SPHKAP: variants seen among roughly 807,000 people sequenced by gnomAD.
The protein encoded by SPHKAP is A-kinase anchor protein SPHKAP.
SPHKAP carries 67 observed loss-of-function variants against 137.5 expected under a neutral mutation model. That is an observed-to-expected ratio of 0.49 (90% confidence interval 0.40 to 0.60). The LOEUF (loss-of-function observed/expected upper bound fraction) is 0.60, where lower values mean the gene tolerates loss of function less well. SPHKAP is among the 20% of genes least tolerant of loss of function. SPHKAP has a pLI of 0.00. For synonymous variants in SPHKAP, 813 were observed against 785.3 expected (o/e 1.04, Z -0.59); for missense variants, 2,097 against 2,069.3 (o/e 1.01, Z -0.26).
intron 6 of SPHKAP, chr2:228,020,378 T>G (rs1694792417): frequency 5.2e-6 from 1 of 192,006 alleles, no homozygotes; most frequent in South Asian, 1.8e-4. Context: ...CATGGAATAC[T>G]ATGCAGCCAT....
Position 228,019,769 on chromosome 2 carries a change from T to C in SPHKAP, c.1085A>G (p.Gln362Arg), listed in dbSNP as rs148704196. Residue 362 changes from glutamine to arginine, a missense_variant, in exon 7 of 12, where the codon CAG becomes CGG. Physicochemically the swap from Gln to Arg is conservative, Grantham distance 43. Transcript: ENST00000392056. ...GTCTCCTGGGTTTAGGTTGCTTCTC[T>C]GCTCTGCCACAGCACATGCAGAAGG... ...DVPSACAVAE[Q>R]RSNLNPGDHE... 4 of 1,614,164 alleles carry C rather than the reference T, an allele frequency of 2.5e-6. No individual in the cohort carries two copies. Among genetic ancestry groups the C allele is most frequent in the African/African-American group, 1.3e-5 (1 of 75,054 alleles).
At chr2:228,016,255 G>T (rs1694584114) in intron 7 of SPHKAP, 151 bp downstream of exon 7, 2 of 1,287,680 alleles carry the variant, frequency 1.6e-6, no homozygotes, top group African/African-American at 3.0e-5. Flanking sequence ...TTGGTGTGCT[G>T]CACTCATTAA....
intron 1 of SPHKAP, among the ~76,000 whole-genome samples, chr2:228,137,674 A>G (rs1699477737): frequency 6.6e-6 from 1 of 152,150 alleles, no homozygotes; most frequent in Non-Finnish European, 1.5e-5. Context: ...TTTAATCCCA[A>G]CACTAGAAAA....
intron 3 of SPHKAP, among the ~76,000 whole-genome samples, chr2:228,035,272 C>T (rs1380518725): frequency 6.7e-6 from 1 of 149,904 alleles, no homozygotes; most frequent in Non-Finnish European, 1.5e-5. Context: ...GAGTGAACTC[C>T]CATTCACAAC....
intron 2 of SPHKAP, 154 bp downstream of exon 2, chr2:228,131,826 A>T (rs2106375193): frequency 1.0e-6 from 1 of 976,816 alleles, no homozygotes; most frequent in Admixed American, 6.1e-5. Context: ...TAAAATTTTA[A>T]TGTTATCAAG....
chr2:228,181,415 G>C lies in SPHKAP; in HGVS notation c.32+152C>G. The C allele has an allele frequency of 9.1e-7, 1 of 1,093,960 alleles. No homozygotes were observed. Among genetic ancestry groups the C allele is most frequent in the South Asian group, 1.3e-5 (1 of 74,996 alleles). The allele number at this position is 1,093,960 out of a possible 1,614,324, so 67.8% of individuals were successfully genotyped here. ...GTCCCCTGTAGCTCCAGCGAGGCTG[G>C]GCCGGACTTATTTACAAGTGCAGTG... On this transcript the variant is annotated intron_variant, in intron 1 of 11. Coordinates refer to ENST00000392056, the MANE Select transcript of SPHKAP (RefSeq NM_001142644.2). This position sits in a 1 kb window ranked among gnomAD's most constrained non-coding sequence, Gnocchi z 4.3.
At chr2:228,002,958 T>G (rs1200585607) in intron 7 of SPHKAP, among the ~76,000 whole-genome samples, 1 of 151,466 alleles carries the variant, frequency 6.6e-6, no homozygotes, top group Non-Finnish European at 1.5e-5. Flanking sequence ...CCATGCTGTT[T>G]TGGTTACTGT....
chr2:228,085,193 G>A (rs1697499426), intron 3 of SPHKAP, among the ~76,000 whole-genome samples: 1 of 152,182 alleles, frequency 6.6e-6, no homozygotes, highest in Non-Finnish European at 1.5e-5. Context: ...AAAATTTTGA[G>A]CTCACATAGT....
At chr2:228,030,715 AC>A (rs1695275910) in intron 3 of SPHKAP, among the ~76,000 whole-genome samples, 1 of 142,862 alleles carries the variant, frequency 7.0e-6, no homozygotes, top group South Asian at 2.4e-4. Context: ...TGCCCAATGC[AC>A]CTCCATAATA....
chr2:227,985,088 C>T (rs1173753568), intron 11 of SPHKAP, among the ~76,000 whole-genome samples: 2 of 152,176 alleles, frequency 1.3e-5, no homozygotes, highest in African/African-American at 4.8e-5. Context: ...TTCTTTCCAT[C>T]TATTTGGGGC....
At chr2:228,068,570 G>T (rs1449941091) in intron 3 of SPHKAP, among the ~76,000 whole-genome samples, 1 of 152,114 alleles carries the variant, frequency 6.6e-6, no homozygotes, top group Admixed American at 6.5e-5. Context: ...TTCAACAAAG[G>T]TGCCAAGAAC....
rs146237024 is a variant in SPHKAP, at chr2:228,017,290, C to G, written c.3564G>C (p.Glu1188Asp). The change falls in exon 7 of 12, where the codon GAG becomes GAC. Residue 1188 changes from glutamate to aspartate, a missense_variant. By Grantham distance (45) the Glu-to-Asp change is conservative (BLOSUM62 2). Coordinates refer to ENST00000392056, the MANE Select transcript of SPHKAP (RefSeq NM_001142644.2). ...ACCTGTAGAACTCCTCAGTGATGCT[C>G]TCTGTGCTGGACTGCTTAGAGGGAC... is the stretch of plus-strand genomic sequence containing the variant. The part of the protein sequence containing the change: ...PSCPSKQSST[E>D]SITEEFYRYM... The G allele has an allele frequency of 1.2e-6, 2 of 1,614,084 alleles. No individual in the cohort carries two copies. The highest frequency in any genetic ancestry group is 1.7e-5 in the Admixed American group (1 of 60,022).
At chr2:227,982,034 C>T (rs542648094) in intron 11 of SPHKAP, 174 bp from the exon 12 acceptor site, 41 of 978,136 alleles carry the variant, frequency 4.2e-5, no homozygotes, top group South Asian at 2.8e-4. Context: ...AGATTATTAC[C>T]GAACTTCATC....
In SPHKAP at chr2:228,016,764, C is replaced by T; in HGVS notation, c.4090G>A (p.Val1364Ile). The part of the protein sequence containing the change: ...SRMCSGPTLL[V>I]QESLDCPRKD... ...CTCGGGCAATCGAGAGACTCCTGAA[C>T]AAGCAGAGTTGGCCCACTGCACATC... is the stretch of plus-strand genomic sequence containing the variant. The change falls in exon 7 of 12, where the codon GTT becomes ATT. Residue 1364 changes from valine to isoleucine, a missense_variant. Val to Ile is a conservative substitution (Grantham distance 29). Transcript: ENST00000392056. 6.2e-7 allele frequency: 1 copy of T among 1,614,088 alleles called. No homozygotes were observed. The highest frequency in any genetic ancestry group is 1.1e-5 in the South Asian group (1 of 91,058).
At chr2:228,104,282 T>A (rs1198545606) in intron 3 of SPHKAP, among the ~76,000 whole-genome samples, 1 of 127,818 alleles carries the variant, frequency 7.8e-6, no homozygotes, top group Non-Finnish European at 1.7e-5. Flanking sequence ...ATATTATATA[T>A]CATTATATCA....
intron 3 of SPHKAP, among the ~76,000 whole-genome samples, chr2:228,039,198 A>G (rs567437255): frequency 2.3e-4 from 35 of 152,346 alleles, no homozygotes; most frequent in Admixed American, 1.3e-3. Flanking sequence ...GGAAACACAC[A>G]TCATCCCGAA....
intron 3 of SPHKAP, among the ~76,000 whole-genome samples, chr2:228,066,799 C>T (rs964308261): frequency 6.6e-5 from 10 of 152,186 alleles, no homozygotes; most frequent in African/African-American, 2.4e-4. Context: ...CATTACAGCA[C>T]AAACTTATGG....
chr2:228,143,197 G>C (rs533878441), intron 1 of SPHKAP, among the ~76,000 whole-genome samples: 7 of 152,220 alleles, frequency 4.6e-5, no homozygotes, highest in Admixed American at 2.6e-4. Context: ...GAACACAGTT[G>C]GGTGCAAAAT....
chr2:228,109,956 C>CAAAAA (rs11440513), intron 2 of SPHKAP, among the ~76,000 whole-genome samples: 70 of 56,118 alleles, frequency 1.2e-3, no homozygotes, highest in Non-Finnish European at 1.5e-3. Context: ...GAAAATGTCT[C>CAAAAA]AAAAAAAAAA....
Sources: allele counts gnomAD v4.1 joint callset (sites outside exome capture counted in the v4.1 genomes callset), GRCh38; gene constraint gnomAD v4.1.1; non-coding constraint Gnocchi (gnomAD v3.1); transcripts MANE v1.5; gene names NCBI Gene and HGNC (gene_info 2026-07-23, HGNC 2026-07-21).